The following CNNM2 variants were observed in gnomAD, a reference collection of about 807,000 sequenced individuals.
The protein encoded by CNNM2 is metal transporter CNNM2.
A neutral mutation model predicts 66.9 loss-of-function variants in CNNM2; 12 were observed. That is an observed-to-expected ratio of 0.18 (90% CI 0.11 to 0.29). The LOEUF is 0.29. CNNM2 is among the 10% of genes least tolerant of loss of function. The pLI is 1.00. For synonymous variants in CNNM2, 557 were observed against 501.8 expected (o/e 1.11, Z -1.47); for missense variants, 705 against 1,167.7 (o/e 0.60, Z 5.77).
Position 103,048,481 on chromosome 10 carries a change from G to A in CNNM2, c.1622-1226G>A, listed in dbSNP as rs148501722. 0.018 allele frequency among the ~76,000 whole-genome samples: 2,687 copies of A among 152,156 alleles called. 34 individuals carry two copies. Among genetic ancestry groups the A allele is most frequent in the Non-Finnish European group, 0.031 (2,089 of 67,996 alleles). On this transcript the variant is annotated intron_variant, in intron 1 of 7. Transcript: ENST00000369878. ...TCTACCTGCCTCAGCCTCCCAAAAC[G>A]CTGGGATTACAGGCGTGAGCCACCG...
At chr10:102,924,732 G>A (rs1845789993) in intron 1 of CNNM2, among the ~76,000 whole-genome samples, 1 of 151,860 alleles carries the variant, frequency 6.6e-6, no homozygotes, top group African/African-American at 2.4e-5. Flanking sequence ...AGCCTTCCAA[G>A]GTGCTGGGAT....
At chr10:102,963,116 T>G (rs1164614841) in intron 1 of CNNM2, among the ~76,000 whole-genome samples, 1 of 152,214 alleles carries the variant, frequency 6.6e-6, no homozygotes, top group African/African-American at 2.4e-5. Context: ...TCTAAACTTC[T>G]TTGATGAGAA....
chr10:102,992,727 T>A (rs1029982763), intron 1 of CNNM2, among the ~76,000 whole-genome samples: 1 of 152,190 alleles, frequency 6.6e-6, no homozygotes, highest in Non-Finnish European at 1.5e-5. Context: ...CCTGCCTCGG[T>A]ACCACAGTAG....
At chr10:103,008,536 T>C (rs2064271857) in intron 1 of CNNM2, among the ~76,000 whole-genome samples, 3 of 152,190 alleles carry the variant, frequency 2.0e-5, no homozygotes, top group South Asian at 4.1e-4. Context: ...CCCAGCACTT[T>C]GGGAGGCCAA....
intron 1 of CNNM2, among the ~76,000 whole-genome samples, chr10:102,941,382 A>G (rs772496144): frequency 1.3e-5 from 2 of 152,228 alleles, no homozygotes; most frequent in Non-Finnish European, 2.9e-5. Context: ...TGCTGGGATT[A>G]CAGGCGTGAG....
chr10:102,944,591 T>C, intron 1 of CNNM2, among the ~76,000 whole-genome samples: 1 of 151,408 alleles, frequency 6.6e-6, no homozygotes, highest in South Asian at 2.1e-4. Flanking sequence ...CGTGTGTGTG[T>C]GTGTGTGTGT....
In CNNM2 at chr10:102,918,428, G is replaced by A; in HGVS notation, c.-53G>A. The A allele has an allele frequency of 6.4e-7, 1 of 1,568,724 alleles. No homozygotes were observed. Among genetic ancestry groups the A allele is most frequent in the South Asian group, 1.2e-5 (1 of 86,306 alleles). On this transcript the variant is annotated 5_prime_UTR_variant, in exon 1 of 8. Transcript: ENST00000369878. The surrounding 1 kb of genome is among the most constrained non-coding windows in gnomAD (Gnocchi z 4.1). The stretch of plus-strand genomic sequence containing the variant: ...CAGTCTCGCCCAGGGGCCGGTACCT[G>A]CGCTCGCGCCGCCGGGTTGAAAGGA...
intron 1 of CNNM2, among the ~76,000 whole-genome samples, chr10:102,992,002 C>T (rs2063906835): frequency 6.6e-6 from 1 of 152,078 alleles, no homozygotes; most frequent in Admixed American, 6.6e-5. Flanking sequence ...TCTCTATATA[C>T]ATTTGCATTT....
chr10:103,027,521 G>C (rs1043638867), intron 1 of CNNM2: 1 of 152,172 alleles, frequency 6.6e-6, no homozygotes, highest in Admixed American at 6.5e-5. Context: ...CAAAATTTTG[G>C]TATTGAGAAA....
rs2065810617 is a variant in CNNM2 at position 103,086,354 on chromosome 10, T to C, written c.*9174T>C. 1 of 152,212 alleles carries C rather than the reference T, an allele frequency of 6.6e-6. No homozygotes were observed. The highest frequency in any genetic ancestry group is 2.4e-5 in the African/African-American group (1 of 41,450). The allele number at this position is 152,212 out of a possible 1,614,324, so 9.4% of individuals were successfully genotyped here. On this transcript the variant is annotated 3_prime_UTR_variant, in exon 8 of 8. Transcript: ENST00000369878. Reference sequence around the variant, plus strand: ...AATTGGAGCGTTAACTGTATGGCAATAGCTAGATCATAGTTACCATTTTTC... The same window carrying C: ...AATTGGAGCGTTAACTGTATGGCAACAGCTAGATCATAGTTACCATTTTTC...
At chr10:103,036,564 C>G (rs931062822) in intron 1 of CNNM2, among the ~76,000 whole-genome samples, 6 of 152,200 alleles carry the variant, frequency 3.9e-5, no homozygotes, top group African/African-American at 1.4e-4. Flanking sequence ...AGGTGTGCCT[C>G]TGCAGACGTT....
chr10:102,930,489 A>G (rs2134165651), intron 1 of CNNM2, among the ~76,000 whole-genome samples: 1 of 152,322 alleles, frequency 6.6e-6, no homozygotes, highest in East Asian at 1.9e-4. Flanking sequence ...AACTCATTCC[A>G]TTTCTCTTGA....
At chr10:103,057,009 A>G (rs988110886) in intron 4 of CNNM2, 45 bp downstream of exon 4, 7 of 1,571,412 alleles carry the variant, frequency 4.5e-6, no homozygotes, top group Middle Eastern at 1.7e-4. Context: ...CTGAGTATCC[A>G]TCTTTCAGTT....
chr10:103,077,284 C>A lies in CNNM2; in HGVS notation c.*104C>A. On this transcript the variant is annotated 3_prime_UTR_variant, in exon 8 of 8. Transcript: ENST00000369878. ...GTGTGAGCTTGTCCGCCATGCTGTA[C>A]CCTGCAACATCCTGAGACCAAAGAC... 1 of 1,015,360 alleles carries A rather than the reference C, an allele frequency of 9.8e-7. No homozygotes were observed. The highest frequency in any genetic ancestry group is 1.5e-6 in the Non-Finnish European group (1 of 683,704). 62.9% of individuals were successfully genotyped at this position (1,015,360 alleles called of 1,614,324 possible). A position where few individuals can be genotyped will look rare whatever the true frequency, so the allele number is the denominator to read the frequency against.
At position 103,076,196 on chromosome 10, in the gene CNNM2, C is replaced by G. The variant is rs1554907016; in HGVS notation, c.2344C>G (p.Leu782Val). The G allele has an allele frequency of 6.3e-7, 1 of 1,594,666 alleles. No individual in the cohort carries two copies. The highest frequency in any genetic ancestry group is 8.5e-7 in the Non-Finnish European group (1 of 1,170,566). The change falls in exon 7 of 8, where the codon CTC becomes GTC. Residue 782 changes from leucine to valine, a missense_variant. Around this residue, in one of 9 missense-constraint regions of CNNM2, gnomAD observed 194 missense variants for 227.6 expected, o/e 0.85. Coordinates refer to ENST00000369878, the MANE Select transcript of CNNM2 (RefSeq NM_017649.5). ...TPTLGSSNNQ[L>V]NSSLLQVYIP... is the part of the protein sequence containing the mutation. ...AACACTGGGGAGCAGCAATAACCAG[C>G]TCAATTCTTCGCTCCTCCAAGTCTA...
intron 4 of CNNM2, among the ~76,000 whole-genome samples, chr10:103,060,529 A>G (rs965472849): frequency 6.6e-6 from 1 of 152,356 alleles, no homozygotes; most frequent in Admixed American, 6.5e-5. Context: ...TGAGGGACAG[A>G]GTGAGACCCC....
chr10:102,994,756 A>C (rs1162994519), intron 1 of CNNM2, among the ~76,000 whole-genome samples: 1 of 152,250 alleles, frequency 6.6e-6, no homozygotes, highest in African/African-American at 2.4e-5. Context: ...TAGACACTGT[A>C]CACTCAACTA....
At chr10:103,015,630 G>A (rs1313434559) in intron 1 of CNNM2, among the ~76,000 whole-genome samples, 6 of 152,076 alleles carry the variant, frequency 3.9e-5, no homozygotes, top group African/African-American at 1.4e-4. Flanking sequence ...AAGGAGGGTG[G>A]ATCACTTGAC....
intron 1 of CNNM2, among the ~76,000 whole-genome samples, chr10:102,967,747 G>T (rs1281793727): frequency 6.6e-6 from 1 of 152,184 alleles, no homozygotes; most frequent in African/African-American, 2.4e-5. Flanking sequence ...GGGAGCTCAT[G>T]CCTGTAATCC....
Sources: allele counts gnomAD v4.1 joint callset (sites outside exome capture counted in the v4.1 genomes callset), GRCh38; gene constraint gnomAD v4.1.1; regional missense constraint gnomAD v4.1.1; non-coding constraint Gnocchi (gnomAD v3.1); transcripts MANE v1.5; gene names NCBI Gene and HGNC (gene_info 2026-07-23, HGNC 2026-07-21).